Variants in ZRANB3 observed in about 807,000 individuals in gnomAD.
The protein encoded by ZRANB3 is DNA annealing helicase and endonuclease ZRANB3.
A neutral mutation model predicts 133.8 loss-of-function variants in ZRANB3; 125 were observed. The ratio of observed to expected loss-of-function variants is 0.93; its 90% CI spans 0.81 to 1.08. The LOEUF (loss-of-function observed/expected upper bound fraction) is 1.08. ZRANB3 is among the 50% of genes least tolerant of loss of function. The probability of loss-of-function intolerance (pLI) is 0.00; values close to 1 mark genes in which losing one functional copy is unlikely to be tolerated. For synonymous variants in ZRANB3, 387 were observed against 432.7 expected, an observed-to-expected ratio of 0.89 and a Z score of 1.31; for missense variants, 1,229 against 1,275.5, an observed-to-expected ratio of 0.96 and a Z score of 0.56.
chr2:135,205,469 G>A (rs753023161), intron 19 of ZRANB3, among the ~76,000 whole-genome samples: 26 of 152,058 alleles, frequency 1.7e-4, no homozygotes, highest in Non-Finnish European at 3.4e-4. Flanking sequence ...GTAGAAATGG[G>A]GTTCCACTAG....
chr2:135,408,128 G>T (rs1688129600), intron 2 of ZRANB3, among the ~76,000 whole-genome samples: 2 of 151,466 alleles, frequency 1.3e-5, no homozygotes, highest in South Asian at 4.2e-4. Flanking sequence ...AAATTTACAA[G>T]AAAAAAACAA....
At chr2:135,288,905 TGTG>T (rs1233847209) in intron 8 of ZRANB3, among the ~76,000 whole-genome samples, 1 of 151,634 alleles carries the variant, frequency 6.6e-6, no homozygotes, top group Non-Finnish European at 1.5e-5. Flanking sequence ...TGTGTGTGTG[TGTG>T]TTGTTTCAAT....
intron 1 of ZRANB3, chr2:135,511,205 C>T (rs1212973486): frequency 1.2e-6 from 1 of 845,474 alleles, no homozygotes; most frequent in Non-Finnish European, 2.1e-6. Flanking sequence ...AAAATGTCCT[C>T]AAGTCTTCCC....
At chr2:135,415,545 C>T (rs534848208) in intron 2 of ZRANB3, among the ~76,000 whole-genome samples, 11 of 152,144 alleles carry the variant, frequency 7.2e-5, no homozygotes, top group Non-Finnish European at 1.6e-4. Context: ...GGAACTGGTA[C>T]CATGCCTTCT....
chr2:135,474,622 T>C (rs1385926791), intron 2 of ZRANB3, among the ~76,000 whole-genome samples: 2 of 152,176 alleles, frequency 1.3e-5, no homozygotes, highest in Non-Finnish European at 2.9e-5. Flanking sequence ...GTCTCACCAG[T>C]AGCCAAGTAG....
chr2:135,476,691 C>CT lies in ZRANB3; in HGVS notation c.161+27637dup, dbSNP rs774332012. ...TATTGAGCTCTCCATATTTCTTTTC[C>CT]TTTTTTTTTTTTTTTTTCTTTTCTT... On this transcript the variant is annotated intron_variant, in intron 2 of 20. Transcript: ENST00000264159. Among the ~76,000 whole-genome samples the CT allele has an allele frequency of 9.7e-3, 1,309 of 135,446 alleles. 8 individuals are homozygous for CT. Among genetic ancestry groups the CT allele is most frequent in the African/African-American group, 0.016 (607 of 37,182 alleles). The allele number at this position is 135,446 out of a possible 152,430, so 88.9% of individuals were successfully genotyped here. A position where few individuals can be genotyped will look rare whatever the true frequency, so the allele number is the denominator to read the frequency against.
chr2:135,474,787 G>A (rs1482147457), intron 2 of ZRANB3, among the ~76,000 whole-genome samples: 3 of 152,050 alleles, frequency 2.0e-5, no homozygotes, highest in African/African-American at 7.2e-5. Context: ...CCTATAGTTC[G>A]GTTTAAATAT....
At chr2:135,479,537 A>C (rs1413394681) in intron 2 of ZRANB3, among the ~76,000 whole-genome samples, 1 of 152,116 alleles carries the variant, frequency 6.6e-6, no homozygotes, top group African/African-American at 2.4e-5. Context: ...CGGAAGGCTG[A>C]GGCGGGAGAA....
chr2:135,212,899 A>G (rs181936353), intron 17 of ZRANB3, among the ~76,000 whole-genome samples: 117 of 152,352 alleles, frequency 7.7e-4, no homozygotes, highest in East Asian at 1.7e-3. Flanking sequence ...CAGGGCTCCA[A>G]GTGAATTAGG....
At chr2:135,471,387 T>C (rs1691261837) in intron 2 of ZRANB3, among the ~76,000 whole-genome samples, 1 of 152,150 alleles carries the variant, frequency 6.6e-6, no homozygotes, top group Non-Finnish European at 1.5e-5. Context: ...TTAAGGAATA[T>C]GGTAACTTGC....
chr2:135,298,969 A>C (rs749782636), intron 8 of ZRANB3, among the ~76,000 whole-genome samples: 3 of 152,098 alleles, frequency 2.0e-5, no homozygotes, highest in Non-Finnish European at 4.4e-5. Context: ...GGTGCTTTCA[A>C]GAGAACATCA....
intron 2 of ZRANB3, among the ~76,000 whole-genome samples, chr2:135,454,825 A>G (rs1344987982): frequency 3.9e-5 from 6 of 152,094 alleles, no homozygotes; most frequent in Admixed American, 3.9e-4. Context: ...CACTTACTTT[A>G]TCCACTCATT....
intron 8 of ZRANB3, among the ~76,000 whole-genome samples, chr2:135,311,152 A>G (rs1424877756): frequency 6.6e-6 from 1 of 152,186 alleles, no homozygotes; most frequent in Non-Finnish European, 1.5e-5. Context: ...ATAAATATGG[A>G]CTCAATATGA....
chr2:135,280,180 A>G (rs1351975257), intron 8 of ZRANB3, among the ~76,000 whole-genome samples: 1 of 152,240 alleles, frequency 6.6e-6, no homozygotes, highest in Non-Finnish European at 1.5e-5. Flanking sequence ...TCAAAACTCT[A>G]TTTTATTTTA....
chr2:135,336,483 G>A (rs1158232223), intron 6 of ZRANB3, among the ~76,000 whole-genome samples: 1 of 152,130 alleles, frequency 6.6e-6, no homozygotes, highest in Admixed American at 6.5e-5. Flanking sequence ...AACTTAAAAT[G>A]CCAGGAAGTG....
At chr2:135,312,547 A>G in intron 8 of ZRANB3, among the ~76,000 whole-genome samples, 1 of 152,314 alleles carries the variant, frequency 6.6e-6, no homozygotes, top group East Asian at 1.9e-4. Context: ...CTTGACAGTT[A>G]CACTAATTTT....
chr2:135,509,001 C>T (rs185726125), intron 1 of ZRANB3, among the ~76,000 whole-genome samples: 5 of 151,758 alleles, frequency 3.3e-5, no homozygotes, highest in Middle Eastern at 3.4e-3. Context: ...TATAGCAAGG[C>T]GGGGGGAGCC....
At chr2:135,224,050 G>GTAGGTTTATATATTTA (rs1449315639) in intron 15 of ZRANB3, among the ~76,000 whole-genome samples, 1 of 152,108 alleles carries the variant, frequency 6.6e-6, no homozygotes. Context: ...AGGGTACACA[G>GTAGGTTTATATATTTA]TAGGTTTATA....
At chr2:135,412,716 C>CT (rs35619839) in intron 2 of ZRANB3, among the ~76,000 whole-genome samples, 46,662 of 151,652 alleles carry the variant, frequency 0.31, 11,102 homozygotes, top group African/African-American at 0.65. Flanking sequence ...TGAGGTATAC[C>CT]TTTTTTAAAC....
Sources: gnomAD v4.1 joint callset for allele counts (sites outside exome capture counted in the v4.1 genomes callset) on GRCh38, gnomAD v4.1.1 for gene constraint, MANE v1.5 for transcripts, NCBI Gene and HGNC (gene_info 2026-07-23, HGNC 2026-07-21) for gene names.